The following EPS8 variants were observed in gnomAD, a reference collection of about 807,000 sequenced individuals.
The protein encoded by EPS8 is EGFR pathway substrate 8, signaling adaptor, also known as epidermal growth factor receptor kinase substrate 8.
EPS8 carries 42 observed loss-of-function variants against 103.8 expected under a neutral mutation model. That is an observed-to-expected ratio of 0.40 (90% CI 0.32 to 0.52). The LOEUF is 0.52. Ranked by LOEUF, EPS8 falls within the 20% of genes least tolerant of loss-of-function variation. The pLI, the probability that EPS8 is intolerant of heterozygous loss-of-function variation, is 0.40. For missense variants in EPS8, 969 were observed against 1,005.1 expected, an observed-to-expected ratio of 0.96 and a Z score of 0.49; for synonymous variants, 344 against 344.6, an observed-to-expected ratio of 1.00 and a Z score of 0.02.
intron 1 of EPS8, among the ~76,000 whole-genome samples, chr12:15,782,992 A>C (rs963396129): frequency 3.3e-5 from 5 of 152,230 alleles, no homozygotes; most frequent in African/African-American, 1.2e-4. Context: ...GTACAATACC[A>C]TAAACCTTGA....
chr12:15,726,481 G>A (rs1946654097), intron 1 of EPS8, among the ~76,000 whole-genome samples: 1 of 152,158 alleles, frequency 6.6e-6, no homozygotes. Context: ...AAGCTCTGTA[G>A]TGATACATGC....
intron 1 of EPS8, among the ~76,000 whole-genome samples, chr12:15,715,395 T>TTTC (rs1946520776): frequency 1.0e-4 from 1 of 9,744 alleles, no homozygotes; most frequent in Non-Finnish European, 0.015. Flanking sequence ...TTTACTTTTC[T>TTTC]TTTTTTTTTT....
intron 8 of EPS8, among the ~76,000 whole-genome samples, chr12:15,663,356 G>T (rs6488792): frequency 7.2e-5 from 11 of 152,042 alleles, no homozygotes; most frequent in Admixed American, 6.5e-4. Flanking sequence ...GGGTAGATAT[G>T]CCTCAGGGAT....
At chr12:15,675,651 C>T (rs1019785352) in intron 3 of EPS8, among the ~76,000 whole-genome samples, 1 of 152,050 alleles carries the variant, frequency 6.6e-6, no homozygotes, top group Non-Finnish European at 1.5e-5. Flanking sequence ...TCATACTGAC[C>T]CAATATTATT....
At position 15,772,315 on chromosome 12, in the gene EPS8, G is replaced by C. The variant is rs1215311394; in HGVS notation, c.-22+16846C>G. Among the ~76,000 whole-genome samples, 1 of 152,052 alleles carries C rather than the reference G, an allele frequency of 6.6e-6. No individual in the cohort carries two copies. Among genetic ancestry groups the C allele is most frequent in the Non-Finnish European group, 1.5e-5 (1 of 68,012 alleles). On this transcript the variant is annotated intron_variant, in intron 1 of 20. Transcript: ENST00000281172. This position sits in a 1 kb window ranked among gnomAD's most constrained non-coding sequence, Gnocchi z 5.0. ...TTTTGGGAAATGTGAAGTCTGAGGGGCCTGTGTGATATTCAGCTTCAGTCA... is the reference window on the plus strand; with the variant it reads ...TTTTGGGAAATGTGAAGTCTGAGGGCCCTGTGTGATATTCAGCTTCAGTCA...
rs140195298 is a variant in EPS8 at position 15,763,574 on chromosome 12, G to T, written c.-22+25587C>A. Among the ~76,000 whole-genome samples, 248 of 152,208 alleles carry T rather than the reference G, an allele frequency of 1.6e-3. 1 individual carries two copies. The highest frequency in any genetic ancestry group is 4.3e-3 in the African/African-American group (180 of 41,510). On this transcript the variant is annotated intron_variant, in intron 1 of 20. Transcript: ENST00000281172. ...CAACAAGGGGCCTCTGTTCCTTAAT[G>T]GAAAAGACTCAGAGATTCTCAACTT...
Position 15,681,239 on chromosome 12 carries a change from T to A in EPS8, c.123A>T (p.Ala41=). ...TDREHGSKTS[A]KALYEQRKNY... ...AAACAAACCTACCATAAAGGGCCTT[T>A]GCACTTGTTTTTGAACCATGTTCTC... is the stretch of plus-strand genomic sequence containing the variant. Residue 41 remains alanine, a synonymous_variant, in exon 3 of 21, where the codon GCA becomes GCT. Coordinates refer to ENST00000281172, the MANE Select transcript of EPS8 (RefSeq NM_004447.6). 1 of 1,566,418 alleles carries A rather than the reference T, an allele frequency of 6.4e-7. No individual in the cohort carries two copies. Among genetic ancestry groups the A allele is most frequent in the Non-Finnish European group, 8.7e-7 (1 of 1,150,358 alleles).
intron 3 of EPS8, among the ~76,000 whole-genome samples, chr12:15,674,832 C>T (rs1330235236): frequency 6.5e-5 from 7 of 107,594 alleles, no homozygotes; most frequent in South Asian, 3.7e-4. Flanking sequence ...TTAAGAATTT[C>T]AAAAAAAAAT....
At position 15,654,236 on chromosome 12, in the gene EPS8, T is replaced by A; in HGVS notation, c.1159A>T (p.Asn387Tyr). Residue 387 changes from asparagine to tyrosine, a missense_variant, in exon 13 of 21, where the codon AAT becomes TAT. By Grantham distance (143) the Asn-to-Tyr change is moderately radical. Transcript: ENST00000281172. The stretch of plus-strand genomic sequence containing the variant: ...TTTAAGAAATCAATTGTGTCCTTAT[T>A]CAATAGGGGACTAAGTACTGAACTG... ...LASSVLSPLLNKDTIDFLNYT... is the reference protein window; with the variant it reads ...LASSVLSPLLYKDTIDFLNYT... 6.2e-7 allele frequency: 1 copy of A among 1,613,622 alleles called. No individual in the cohort carries two copies.
At chr12:15,773,137 T>C (rs1269861398) in intron 1 of EPS8, among the ~76,000 whole-genome samples, 2 of 152,156 alleles carry the variant, frequency 1.3e-5, no homozygotes, top group Non-Finnish European at 2.9e-5. Flanking sequence ...TAAGAGACTA[T>C]GTTCCATATA....
chr12:15,703,089 C>T (rs1946332621), intron 1 of EPS8, among the ~76,000 whole-genome samples: 1 of 152,174 alleles, frequency 6.6e-6, no homozygotes, highest in African/African-American at 2.4e-5. Flanking sequence ...GTGGAAGTTG[C>T]AGTGAGCCAA....
rs1946945088 is a variant in EPS8, at chr12:15,752,626, CT to C, written c.-22+36534del. Among the ~76,000 whole-genome samples the C allele has an allele frequency of 6.6e-6, 1 of 151,952 alleles. No individual in the cohort carries two copies. Among genetic ancestry groups the C allele is most frequent in the African/African-American group, 2.4e-5 (1 of 41,338 alleles). On this transcript the variant is annotated intron_variant, in intron 1 of 20. Transcript: ENST00000281172. This position sits in a 1 kb window ranked among gnomAD's most constrained non-coding sequence, Gnocchi z 4.4. ...CCCAAATTATCTGAGAAAAAAAAGTCTTTATAATTGTAATAACCAATGGGTA... is the reference window on the plus strand; with the variant it reads ...CCCAAATTATCTGAGAAAAAAAAGTCTTATAATTGTAATAACCAATGGGTA...
rs986474377 is a variant in EPS8, at chr12:15,725,306, A to G, written c.-21-42334T>C. ...TATCACCTGAAATCACCCTCAAGAG[A>G]TCTCCGGAAAAGTCATGTAGCTGGT... On this transcript the variant is annotated intron_variant, in intron 1 of 20. Coordinates refer to ENST00000281172, the MANE Select transcript of EPS8 (RefSeq NM_004447.6). This position sits in a 1 kb window ranked among gnomAD's most constrained non-coding sequence, Gnocchi z 4.5. 3.3e-5 allele frequency among the ~76,000 whole-genome samples: 5 copies of G among 151,974 alleles called. No homozygotes were observed. Among genetic ancestry groups the G allele is most frequent in the African/African-American group, 4.8e-5 (2 of 41,376 alleles).
rs758700255 is a variant in EPS8 at position 15,650,940 on chromosome 12, G to A, written c.1317C>T (p.Pro439=). 24 of 1,614,064 alleles carry A rather than the reference G, an allele frequency of 1.5e-5. No individual in the cohort carries two copies. The highest frequency in any genetic ancestry group is 8.9e-5 in the East Asian group (4 of 44,878). The change falls in exon 14 of 21, where the codon CCC becomes CCT. Residue 439 remains proline, a synonymous_variant. Coordinates refer to ENST00000281172, the MANE Select transcript of EPS8 (RefSeq NM_004447.6). ...YVPRFRNGWE[P]PMLNFMGATM... is the part of the protein sequence containing the mutation. ...TGGCTCCCATAAAGTTCAGCATTGG[G>A]GGCTCCCAGCCATTGCGGAATCGTG... is the stretch of plus-strand genomic sequence containing the variant.
chr12:15,707,097 C>T (rs146943209), intron 1 of EPS8, among the ~76,000 whole-genome samples: 1 of 152,306 alleles, frequency 6.6e-6, no homozygotes, highest in Non-Finnish European at 1.5e-5. Context: ...GAAAAAGGCA[C>T]ATGTTTGAAA....
rs999153754 is a variant in EPS8 at position 15,772,648 on chromosome 12, C to A, written c.-22+16513G>T. On this transcript the variant is annotated intron_variant, in intron 1 of 20. Transcript: ENST00000281172. The surrounding 1 kb of genome is among the most constrained non-coding windows in gnomAD (Gnocchi z 5.0). ...TTTCACTTAGGAAGAATTTTGGATA[C>A]CTATTCCATCCCAAGTAGCAGAGCT... 5.3e-5 allele frequency among the ~76,000 whole-genome samples: 8 copies of A among 152,196 alleles called. No individual in the cohort carries two copies. The highest frequency in any genetic ancestry group is 1.9e-4 in the African/African-American group (8 of 41,528).
intron 1 of EPS8, among the ~76,000 whole-genome samples, chr12:15,768,153 T>C (rs1350450436): frequency 6.6e-6 from 1 of 152,024 alleles, no homozygotes; most frequent in Non-Finnish European, 1.5e-5. Context: ...ATTTAAGAAT[T>C]TTAAGGCTGG....
Position 15,736,181 on chromosome 12 carries a change from C to T in EPS8, c.-22+52980G>A, listed in dbSNP as rs775503117. On this transcript the variant is annotated intron_variant, in intron 1 of 20. Transcript: ENST00000281172. This position sits in a 1 kb window ranked among gnomAD's most constrained non-coding sequence, Gnocchi z 4.2. ...GAATTACAATCATGAGCCACTGTGC[C>T]GGGCCGAGTTTGTGTTTTAAACCAA... Among the ~76,000 whole-genome samples, 8 of 152,128 alleles carry T rather than the reference C, an allele frequency of 5.3e-5. No individual in the cohort carries two copies. The highest frequency in any genetic ancestry group is 7.4e-5 in the Non-Finnish European group (5 of 68,016).
chr12:15,780,917 TA>T lies in EPS8; in HGVS notation c.-22+8243del, dbSNP rs1947254893. Among the ~76,000 whole-genome samples the T allele has an allele frequency of 6.6e-6, 1 of 152,254 alleles. No homozygotes were observed. The highest frequency in any genetic ancestry group is 6.5e-5 in the Admixed American group (1 of 15,290). ...TATGTAAAAATATGATAATAAGTGCTAATTTCATTCAGCAAGCCTTTTGTGA... is the reference window on the plus strand; with the variant it reads ...TATGTAAAAATATGATAATAAGTGCTATTTCATTCAGCAAGCCTTTTGTGA... On this transcript the variant is annotated intron_variant, in intron 1 of 20. Coordinates refer to ENST00000281172, the MANE Select transcript of EPS8 (RefSeq NM_004447.6). This position sits in a 1 kb window ranked among gnomAD's most constrained non-coding sequence, Gnocchi z 4.1.
Sources: allele counts gnomAD v4.1 joint callset (sites outside exome capture counted in the v4.1 genomes callset), GRCh38; gene constraint gnomAD v4.1.1; non-coding constraint Gnocchi (gnomAD v3.1); transcripts MANE v1.5; gene names NCBI Gene and HGNC (gene_info 2026-07-23, HGNC 2026-07-21).